DPYSL2: variants seen among roughly 807,000 people sequenced by gnomAD.
The protein encoded by DPYSL2 is dihydropyrimidinase-related protein 2.
In DPYSL2, 13 loss-of-function variants were observed where a neutral mutation model predicts 69.9. The ratio of observed to expected loss-of-function variants is 0.19; its 90% CI spans 0.12 to 0.30. The LOEUF (loss-of-function observed/expected upper bound fraction) is 0.30, where lower values mean the gene tolerates loss of function less well. DPYSL2 is among the 10% of genes least tolerant of loss of function. The pLI, the probability that DPYSL2 is intolerant of heterozygous loss-of-function variation, is 1.00. For synonymous variants in DPYSL2, 326 were observed against 359.1 expected, an observed-to-expected ratio of 0.91 and a Z score of 1.04; for missense variants, 587 against 918.9, an observed-to-expected ratio of 0.64 and a Z score of 4.67.
chr8:26,549,843 A>G (rs368133265), intron 1 of DPYSL2, among the ~76,000 whole-genome samples: 5 of 152,212 alleles, frequency 3.3e-5, no homozygotes, highest in African/African-American at 1.2e-4. Context: ...TGAATGATAA[A>G]TAAAGACTTT....
intron 3 of DPYSL2, among the ~76,000 whole-genome samples, chr8:26,589,434 C>T (rs561139275): frequency 6.6e-6 from 1 of 152,334 alleles, no homozygotes; most frequent in African/African-American, 2.4e-5. Context: ...CTGTTAATGC[C>T]CATGGGTGAA....
At chr8:26,542,577 G>A (rs1318164430) in intron 1 of DPYSL2, among the ~76,000 whole-genome samples, 1 of 151,872 alleles carries the variant, frequency 6.6e-6, no homozygotes, top group African/African-American at 2.4e-5. Context: ...ATGTACCACT[G>A]TGCCCAACTA....
chr8:26,653,483 C>A lies in DPYSL2; in HGVS notation c.1942+86C>A. The A allele has an allele frequency of 7.2e-7, 1 of 1,385,286 alleles. No individual in the cohort carries two copies. Among genetic ancestry groups the A allele is most frequent in the Non-Finnish European group, 9.9e-7 (1 of 1,008,770 alleles). The allele number at this position is 1,385,286 out of a possible 1,614,324, so 85.8% of individuals were successfully genotyped here. A position where few individuals can be genotyped will look rare whatever the true frequency, so the allele number is the denominator to read the frequency against. ...GCTACAGTTGCATTTGGAAAGGACA[C>A]AGAAATAGAAGTGAATGATATTCCC... On this transcript the variant is annotated intron_variant, in intron 13 of 13. Transcript: ENST00000521913. The surrounding 1 kb of genome is among the most constrained non-coding windows in gnomAD (Gnocchi z 5.7).
intron 3 of DPYSL2, among the ~76,000 whole-genome samples, chr8:26,589,900 G>C (rs964310893): frequency 6.6e-6 from 1 of 152,244 alleles, no homozygotes; most frequent in African/African-American, 2.4e-5. Context: ...CCTTGGGCTT[G>C]TCCCGGCTCT....
In DPYSL2 at chr8:26,648,173, G is replaced by A. The variant is rs1326548634; in HGVS notation, c.1596+373G>A. On this transcript the variant is annotated intron_variant, in intron 11 of 13. Coordinates refer to ENST00000521913, the MANE Select transcript of DPYSL2 (RefSeq NM_001197293.3). This position sits in a 1 kb window ranked among gnomAD's most constrained non-coding sequence, Gnocchi z 4.3. The stretch of plus-strand genomic sequence containing the variant: ...AGGGACCTCAATGAAGCAGTGAGAT[G>A]TCCTCTCCTGAGATGCCCACTGGGG... Among the ~76,000 whole-genome samples the A allele has an allele frequency of 6.6e-6, 1 of 152,152 alleles. No individual in the cohort carries two copies. The highest frequency in any genetic ancestry group is 2.4e-5 in the African/African-American group (1 of 41,444).
At chr8:26,566,058 A>T (rs1801144602) in intron 1 of DPYSL2, among the ~76,000 whole-genome samples, 1 of 152,246 alleles carries the variant, frequency 6.6e-6, no homozygotes, top group Admixed American at 6.5e-5. Flanking sequence ...GGCCTCTGCT[A>T]CATCTCAGTG....
At position 26,609,684 on chromosome 8, in the gene DPYSL2, A is replaced by G. The variant is rs1585543660; in HGVS notation, c.629-14459A>G. ...CGCTGCCGGCTGCCACCCGTCGCTG[A>G]GCTGGAGCTCCCCAGAGTGCAGCCT... is the stretch of plus-strand genomic sequence containing the variant. On this transcript the variant is annotated intron_variant, in intron 3 of 13. Transcript: ENST00000521913. The surrounding 1 kb of genome is among the most constrained non-coding windows in gnomAD (Gnocchi z 6.5). Among the ~76,000 whole-genome samples the G allele has an allele frequency of 6.6e-6, 1 of 152,166 alleles. No homozygotes were observed. Among genetic ancestry groups the G allele is most frequent in the South Asian group, 2.1e-4 (1 of 4,828 alleles).
At chr8:26,553,970 C>T (rs556382069) in intron 1 of DPYSL2, among the ~76,000 whole-genome samples, 17 of 143,768 alleles carry the variant, frequency 1.2e-4, no homozygotes, top group Non-Finnish European at 2.1e-4. Context: ...ACGATCTCTG[C>T]AACCTCTGCT....
intron 1 of DPYSL2, chr8:26,547,772 A>G: frequency 3.2e-6 from 1 of 315,494 alleles, no homozygotes; most frequent in Admixed American, 3.0e-5. Flanking sequence ...GTCTTCAGGC[A>G]AAATCTTTTC....
intron 1 of DPYSL2, among the ~76,000 whole-genome samples, chr8:26,579,639 A>G (rs929188972): frequency 2.6e-4 from 40 of 152,178 alleles, no homozygotes; most frequent in East Asian, 1.9e-4. Context: ...GAGCAAATGC[A>G]TAGGGGAGGG....
At chr8:26,577,793 G>C (rs940955656) in intron 1 of DPYSL2, 1 of 991,302 alleles carries the variant, frequency 1.0e-6, no homozygotes, top group African/African-American at 1.7e-5. Context: ...GCGCTCTCGC[G>C]CCGCGCCCCG....
chr8:26,567,183 C>T (rs112257572), intron 1 of DPYSL2, among the ~76,000 whole-genome samples: 16 of 137,332 alleles, frequency 1.2e-4, no homozygotes, highest in African/African-American at 4.0e-4. Context: ...CATCCATCCA[C>T]CCATCCATCC....
At chr8:26,551,196 A>G (rs747471310) in intron 1 of DPYSL2, among the ~76,000 whole-genome samples, 16 of 152,224 alleles carry the variant, frequency 1.1e-4, no homozygotes, top group Non-Finnish European at 1.6e-4. Context: ...TTTACCAGCT[A>G]TCTGAGTATC....
intron 7 of DPYSL2, among the ~76,000 whole-genome samples, chr8:26,628,169 C>T (rs1042152636): frequency 6.6e-5 from 10 of 152,228 alleles, no homozygotes; most frequent in Middle Eastern, 3.2e-3. Context: ...GAAGATTCTT[C>T]TTTCTGTCTG....
chr8:26,621,832 G>T lies in DPYSL2; in HGVS notation c.629-2311G>T, dbSNP rs994642367. ...TCAGGGATAAAGAGTACCTTGGAGA[G>T]ATCAACTAGGACCGGATCTGACTGG... On this transcript the variant is annotated intron_variant, in intron 3 of 13. Coordinates refer to ENST00000521913, the MANE Select transcript of DPYSL2 (RefSeq NM_001197293.3). This position sits in a 1 kb window ranked among gnomAD's most constrained non-coding sequence, Gnocchi z 4.9. 6.6e-6 allele frequency among the ~76,000 whole-genome samples: 1 copy of T among 152,172 alleles called. No homozygotes were observed. The highest frequency in any genetic ancestry group is 1.5e-5 in the Non-Finnish European group (1 of 68,034).
In DPYSL2 at chr8:26,514,532, G is replaced by C. The variant is rs1808239352; in HGVS notation, c.207G>C (p.Arg69=). The C allele has an allele frequency of 6.5e-7, 1 of 1,530,024 alleles. No homozygotes were observed. Among genetic ancestry groups the C allele is most frequent in the South Asian group, 1.2e-5 (1 of 82,828 alleles). The allele number at this position is 1,530,024 out of a possible 1,614,324, so 94.8% of individuals were successfully genotyped here. ...CGGGGCAGGTGGTGGCTCAGCAGCGGGACGTCGCCCACTTGGGCCCGGACC... is the reference window on the plus strand; with the variant it reads ...CGGGGCAGGTGGTGGCTCAGCAGCGCGACGTCGCCCACTTGGGCCCGGACC... ...RGSGQVVAQQ[R]DVAHLGPDPQ... Residue 69 remains arginine, a synonymous_variant, in exon 1 of 14, where the codon CGG becomes CGC. Coordinates refer to ENST00000521913, the MANE Select transcript of DPYSL2 (RefSeq NM_001197293.3). The surrounding 1 kb of genome is among the most constrained non-coding windows in gnomAD (Gnocchi z 8.4).
intron 3 of DPYSL2, 173 bp from the exon 4 acceptor site, chr8:26,623,970 C>A: frequency 1.5e-6 from 1 of 665,648 alleles, no homozygotes; most frequent in Non-Finnish European, 2.5e-6. Flanking sequence ...TTTCTGCTTT[C>A]TCCCTCTTGG....
intron 1 of DPYSL2, among the ~76,000 whole-genome samples, chr8:26,515,144 C>A (rs1192688795): frequency 1.3e-5 from 2 of 152,162 alleles, no homozygotes; most frequent in African/African-American, 4.8e-5. Context: ...TTCGGACGGC[C>A]GCTCCCTACA....
intron 1 of DPYSL2, among the ~76,000 whole-genome samples, chr8:26,576,001 C>G (rs78376749): frequency 6.6e-6 from 1 of 152,160 alleles, no homozygotes; most frequent in African/African-American, 2.4e-5. Flanking sequence ...TAACCATTAC[C>G]GGTTGACAGC....
Sources: gnomAD v4.1 joint callset for allele counts (sites outside exome capture counted in the v4.1 genomes callset) on GRCh38, gnomAD v4.1.1 for gene constraint, Gnocchi (gnomAD v3.1) non-coding constraint, MANE v1.5 for transcripts, NCBI Gene and HGNC (gene_info 2026-07-23, HGNC 2026-07-21) for gene names.